The following PTPRD variants were observed in gnomAD, a reference collection of about 807,000 sequenced individuals.
PTPRD encodes receptor-type tyrosine-protein phosphatase delta.
A neutral mutation model predicts 214.5 loss-of-function variants in PTPRD; 34 were observed. The observed-to-expected ratio is 0.16, with a 90% confidence interval of 0.12 to 0.21. The LOEUF (loss-of-function observed/expected upper bound fraction) is 0.21. Ranked by LOEUF, PTPRD falls within the 10% of genes least tolerant of loss-of-function variation. The pLI is 1.00. For synonymous variants in PTPRD, 1,128 were observed against 845.7 expected, an observed-to-expected ratio of 1.33 and a Z score of -5.79; for missense variants, 2,545 against 2,398.7, an observed-to-expected ratio of 1.06 and a Z score of -1.27.
At chr9:9,056,273 G>C (rs1246353097) in intron 10 of PTPRD, among the ~76,000 whole-genome samples, 1 of 152,140 alleles carries the variant, frequency 6.6e-6, no homozygotes, top group Non-Finnish European at 1.5e-5. Flanking sequence ...ATTTATGGAT[G>C]ATCAGAAACA....
intron 2 of PTPRD, among the ~76,000 whole-genome samples, chr9:10,435,427 G>A (rs2098710867): frequency 6.6e-6 from 1 of 151,850 alleles, no homozygotes; most frequent in African/African-American, 2.4e-5. Context: ...TCAAAAGACA[G>A]ACAGGTGAAG....
chr9:10,472,429 CA>C, intron 2 of PTPRD, among the ~76,000 whole-genome samples: 1 of 149,992 alleles, frequency 6.7e-6, no homozygotes, highest in Non-Finnish European at 1.5e-5. Flanking sequence ...ATGTGGTCCA[CA>C]AACCTTGACT....
rs143507192 is a variant in PTPRD, at chr9:9,719,165, G to A, written c.-287+15368C>T. 4.1e-3 allele frequency among the ~76,000 whole-genome samples: 630 copies of A among 152,284 alleles called. 5 individuals are homozygous for A. Among genetic ancestry groups the A allele is most frequent in the African/African-American group, 0.014 (591 of 41,570 alleles). Reference sequence around the variant, plus strand: ...CCCATAACATCTCCAGACTCAGCCAGATCCAGAGACTTGTGAGGATGACCT... The same window carrying A: ...CCCATAACATCTCCAGACTCAGCCAAATCCAGAGACTTGTGAGGATGACCT... On this transcript the variant is annotated intron_variant, in intron 7 of 45. Transcript: ENST00000381196.
intron 8 of PTPRD, among the ~76,000 whole-genome samples, chr9:9,469,923 G>T (rs2094476447): frequency 6.6e-6 from 1 of 152,136 alleles, no homozygotes; most frequent in Non-Finnish European, 1.5e-5. Flanking sequence ...CAGGCTATGG[G>T]GAACATTATT....
chr9:8,766,906 G>A (rs910332597), intron 11 of PTPRD, among the ~76,000 whole-genome samples: 4 of 152,130 alleles, frequency 2.6e-5, no homozygotes, highest in Admixed American at 6.5e-5. Context: ...TGGTGAAATT[G>A]GCTTCATAGG....
At chr9:8,866,033 T>C (rs1303614430) in intron 11 of PTPRD, among the ~76,000 whole-genome samples, 1 of 152,178 alleles carries the variant, frequency 6.6e-6, no homozygotes, top group East Asian at 1.9e-4. Flanking sequence ...CATTTTTAAC[T>C]TGGTATATTC....
chr9:9,885,142 C>T (rs897630168), intron 5 of PTPRD, among the ~76,000 whole-genome samples: 2 of 151,686 alleles, frequency 1.3e-5, no homozygotes, highest in African/African-American at 4.8e-5. Flanking sequence ...AGGCAGAGAG[C>T]TTAAGGTACT....
chr9:9,908,583 A>T (rs2078277703), intron 5 of PTPRD, among the ~76,000 whole-genome samples: 1 of 152,022 alleles, frequency 6.6e-6, no homozygotes, highest in Non-Finnish European at 1.5e-5. Flanking sequence ...GAAGTATTAA[A>T]CGTTCTGGAT....
intron 11 of PTPRD, among the ~76,000 whole-genome samples, chr9:8,792,069 T>A (rs796520066): frequency 1.8e-4 from 27 of 152,294 alleles, no homozygotes; most frequent in African/African-American, 6.0e-4. Flanking sequence ...GAAAAAAAGC[T>A]GAAATAGTTC....
rs1489044631 is a variant in PTPRD, at chr9:9,961,388, A to G, written c.-471-22778T>C. ...CAGTGGTTTTTAATAAATAAGTGAA[A>G]TTGAGAACAAACAAGAAGAATGATT... On this transcript the variant is annotated intron_variant, in intron 4 of 45. Transcript: ENST00000381196. Among the ~76,000 whole-genome samples, 4 of 152,160 alleles carry G rather than the reference A, an allele frequency of 2.6e-5. No individual in the cohort carries two copies. In the East Asian group the frequency reaches 7.7e-4, roughly 29 times the overall value.
chr9:9,305,562 C>G (rs934242051), intron 9 of PTPRD, among the ~76,000 whole-genome samples: 7 of 152,082 alleles, frequency 4.6e-5, no homozygotes, highest in African/African-American at 1.4e-4. Context: ...GCGCCTCTCT[C>G]TTCTGTCTCA....
chr9:8,902,713 T>C (rs2098680042), intron 11 of PTPRD, among the ~76,000 whole-genome samples: 1 of 152,152 alleles, frequency 6.6e-6, no homozygotes. Context: ...AACAGCACCA[T>C]AGATCATAAG....
At chr9:10,468,627 T>A (rs1385036962) in intron 2 of PTPRD, among the ~76,000 whole-genome samples, 2 of 151,922 alleles carry the variant, frequency 1.3e-5, no homozygotes, top group Non-Finnish European at 1.5e-5. Context: ...TGCACATGTA[T>A]CCCAGAACTT....
At chr9:9,636,899 A>AG (rs950303389) in intron 7 of PTPRD, among the ~76,000 whole-genome samples, 5 of 152,290 alleles carry the variant, frequency 3.3e-5, no homozygotes, top group African/African-American at 1.2e-4. Flanking sequence ...GCATCTGGTA[A>AG]GGGGGGCGAG....
At chr9:10,482,792 C>G (rs569325356) in intron 2 of PTPRD, among the ~76,000 whole-genome samples, 1 of 152,242 alleles carries the variant, frequency 6.6e-6, no homozygotes, top group South Asian at 2.1e-4. Flanking sequence ...CTACAAAATT[C>G]TGCTGAAAGA....
intron 12 of PTPRD, among the ~76,000 whole-genome samples, chr9:8,668,268 T>C (rs2097208622): frequency 6.6e-6 from 1 of 152,232 alleles, no homozygotes; most frequent in African/African-American, 2.4e-5. Flanking sequence ...ATCTATTCTT[T>C]ATCATCATAA....
At position 9,026,210 on chromosome 9, in the gene PTPRD, T is replaced by C. The variant is rs981832608; in HGVS notation, c.-142-7475A>G. ...ATGCCACAAGGAAGGGGTAAAGACC[T>C]CTAGAAAAAGCAATAAATGTAAAGG... On this transcript the variant is annotated intron_variant, in intron 10 of 45. Coordinates refer to ENST00000381196, the MANE Select transcript of PTPRD (RefSeq NM_002839.4). Among the ~76,000 whole-genome samples, 3 of 151,886 alleles carry C rather than the reference T, an allele frequency of 2.0e-5. No homozygotes were observed. In the Admixed American group the frequency reaches 2.0e-4, roughly 10 times the overall value.
chr9:9,922,227 GCTCT>G (rs2082752151), intron 5 of PTPRD, among the ~76,000 whole-genome samples: 1 of 152,090 alleles, frequency 6.6e-6, no homozygotes, highest in African/African-American at 2.4e-5. Flanking sequence ...TAAGGTGGTT[GCTCT>G]CTCTTCCTCT....
intron 2 of PTPRD, among the ~76,000 whole-genome samples, chr9:10,429,554 C>T (rs752384024): frequency 3.3e-5 from 5 of 151,820 alleles, no homozygotes; most frequent in Non-Finnish European, 5.9e-5. Flanking sequence ...AGGCCATTAT[C>T]TTAAGTGAAA....
Sources: gnomAD v4.1 joint callset for allele counts (sites outside exome capture counted in the v4.1 genomes callset) on GRCh38, gnomAD v4.1.1 for gene constraint, MANE v1.5 for transcripts, NCBI Gene and HGNC (gene_info 2026-07-23, HGNC 2026-07-21) for gene names.